C13orf42: variants seen among roughly 807,000 people sequenced by gnomAD.
The protein encoded by C13orf42 is uncharacterized protein C13orf42.
At chr13:51,149,561 G>A (rs1047422908) in intron 1 of C13orf42, among the ~76,000 whole-genome samples, 1 of 152,052 alleles carries the variant, frequency 6.6e-6, no homozygotes, top group East Asian at 1.9e-4. Context: ...ATATCCTTTG[G>A]TCTGGTCATT....
chr13:51,130,970 G>A (rs1018286876), intron 1 of C13orf42, among the ~76,000 whole-genome samples: 9 of 152,064 alleles, frequency 5.9e-5, no homozygotes, highest in Non-Finnish European at 1.3e-4. Flanking sequence ...GTTTGAACAA[G>A]TTGTAGAAGG....
At chr13:51,152,330 A>G (rs1953785105) in intron 1 of C13orf42, among the ~76,000 whole-genome samples, 1 of 152,206 alleles carries the variant, frequency 6.6e-6, no homozygotes, top group African/African-American at 2.4e-5. Flanking sequence ...CTTGGTTACA[A>G]ACATCACCCA....
At chr13:51,096,380 A>G (rs1174252022) in intron 1 of C13orf42, among the ~76,000 whole-genome samples, 1 of 152,144 alleles carries the variant, frequency 6.6e-6, no homozygotes, top group Admixed American at 6.5e-5. Context: ...GGCCTTCTCC[A>G]TGGCCTTGTA....
chr13:51,170,361 A>G (rs903098248), intron 1 of C13orf42, among the ~76,000 whole-genome samples: 5 of 152,148 alleles, frequency 3.3e-5, no homozygotes, highest in African/African-American at 1.2e-4. Flanking sequence ...TGGGAGATCA[A>G]TCCCCTGTCC....
At chr13:51,148,828 C>T (rs980447870) in intron 1 of C13orf42, among the ~76,000 whole-genome samples, 5 of 152,214 alleles carry the variant, frequency 3.3e-5, no homozygotes, top group Admixed American at 1.3e-4. Context: ...CCGTATTGAC[C>T]GTTTGGGCTT....
At position 51,083,001 on chromosome 13, in the gene C13orf42, C is replaced by T. The variant is rs1207072929; in HGVS notation, c.*1150G>A. The T allele has an allele frequency of 6.6e-6, 1 of 152,240 alleles. No individual in the cohort carries two copies. The highest frequency in any genetic ancestry group is 1.5e-5 in the Non-Finnish European group (1 of 68,052). The allele number at this position is 152,240 out of a possible 1,614,324, so 9.4% of individuals were successfully genotyped here. On this transcript the variant is annotated 3_prime_UTR_variant, in exon 4 of 4. Transcript: ENST00000563710. ...AGGAAGCCTCTGTTCAGTTCTTAGC[C>T]TGACCTTAGCCTAGAACATCCTTGG...
At chr13:51,140,397 G>C (rs947271538) in intron 1 of C13orf42, among the ~76,000 whole-genome samples, 2 of 152,112 alleles carry the variant, frequency 1.3e-5, no homozygotes, top group Non-Finnish European at 2.9e-5. Flanking sequence ...CCTCAACCTT[G>C]GCAAAATAAA....
intron 2 of C13orf42, among the ~76,000 whole-genome samples, chr13:51,086,701 A>G (rs1429361434): frequency 3.3e-5 from 5 of 152,190 alleles, no homozygotes; most frequent in African/African-American, 1.2e-4. Context: ...ACTTGGTCAC[A>G]TTCATTTTTA....
chr13:51,118,926 C>T (rs1298218785), intron 1 of C13orf42, among the ~76,000 whole-genome samples: 1 of 152,026 alleles, frequency 6.6e-6, no homozygotes, highest in African/African-American at 2.4e-5. Flanking sequence ...GTACTGTGTG[C>T]CCAAGTGTAT....
chr13:51,100,968 AT>A (rs766511453), intron 1 of C13orf42, among the ~76,000 whole-genome samples: 14 of 152,232 alleles, frequency 9.2e-5, no homozygotes, highest in Non-Finnish European at 1.6e-4. Flanking sequence ...AGAACTCACA[AT>A]ATATAACATT....
chr13:51,082,986 T>C lies in C13orf42; in HGVS notation c.*1165A>G, dbSNP rs996519496. 4 of 152,270 alleles carry C rather than the reference T, an allele frequency of 2.6e-5. No homozygotes were observed. Among genetic ancestry groups the C allele is most frequent in the African/African-American group, 9.6e-5 (4 of 41,476 alleles). The allele number at this position is 152,270 out of a possible 1,614,324, so 9.4% of individuals were successfully genotyped here. A position where few individuals can be genotyped will look rare whatever the true frequency, so the allele number is the denominator to read the frequency against. ...ACAGGCATGGCAGAAAGGAAGCCTCTGTTCAGTTCTTAGCCTGACCTTAGC... is the reference window on the plus strand; with the variant it reads ...ACAGGCATGGCAGAAAGGAAGCCTCCGTTCAGTTCTTAGCCTGACCTTAGC... On this transcript the variant is annotated 3_prime_UTR_variant, in exon 4 of 4. Transcript: ENST00000563710.
chr13:51,104,516 T>C (rs921222431), intron 1 of C13orf42, among the ~76,000 whole-genome samples: 4 of 152,218 alleles, frequency 2.6e-5, no homozygotes, highest in African/African-American at 9.6e-5. Context: ...AAGAATTTGT[T>C]AACTGTAATA....
At chr13:51,122,272 G>A (rs1048901683) in intron 1 of C13orf42, among the ~76,000 whole-genome samples, 4 of 152,004 alleles carry the variant, frequency 2.6e-5, no homozygotes, top group Admixed American at 6.5e-5. Context: ...AGTGGCTCAC[G>A]CCTGTAATCC....
At chr13:51,139,121 AGT>A (rs1953678851) in intron 1 of C13orf42, among the ~76,000 whole-genome samples, 1 of 152,152 alleles carries the variant, frequency 6.6e-6, no homozygotes, top group Non-Finnish European at 1.5e-5. Flanking sequence ...GTTTGAGACT[AGT>A]CTGACCAGCA....
At chr13:51,115,693 CAGA>C (rs1312927389), upstream of C13orf42, among the ~76,000 whole-genome samples, 4 of 152,142 alleles carry the variant, frequency 2.6e-5, no homozygotes, top group South Asian at 2.1e-4. Context: ...AGGAAGAGCA[CAGA>C]AGAAGAAGGG....
rs1953148442 is a variant in C13orf42, at chr13:51,088,070, T to C, written c.420A>G (p.Ala140=). ...TGAACTGCGAGTATTTCTTTGGGGTTGCTTTCTGCAAGAGGTGAAGGGGAG... is the reference window on the plus strand; with the variant it reads ...TGAACTGCGAGTATTTCTTTGGGGTCGCTTTCTGCAAGAGGTGAAGGGGAG... The part of the protein sequence containing the change: ...VRSTPKEIKK[A]TPKKYSQFSA... The change falls in exon 2 of 4, where the codon GCA becomes GCG. Residue 140 remains alanine, a synonymous_variant. Transcript: ENST00000563710. The C allele has an allele frequency of 5.0e-6, 2 of 398,674 alleles. No individual in the cohort carries two copies. The highest frequency in any genetic ancestry group is 3.6e-5 in the East Asian group (1 of 28,094). The allele number at this position is 398,674 out of a possible 1,614,324, so 24.7% of individuals were successfully genotyped here.
At chr13:51,144,025 C>T (rs573853732) in intron 1 of C13orf42, among the ~76,000 whole-genome samples, 9 of 152,126 alleles carry the variant, frequency 5.9e-5, no homozygotes, top group Admixed American at 3.3e-4. Flanking sequence ...ATTTCCTTGT[C>T]AATTGTGTCT....
At chr13:51,104,412 C>T (rs796448919) in intron 1 of C13orf42, among the ~76,000 whole-genome samples, 25 of 152,176 alleles carry the variant, frequency 1.6e-4, no homozygotes, top group East Asian at 7.7e-4. Flanking sequence ...GTACATGGAG[C>T]GTGGTGGCTC....
chr13:51,091,362 G>T (rs549645440), intron 1 of C13orf42, among the ~76,000 whole-genome samples: 1 of 152,274 alleles, frequency 6.6e-6, no homozygotes, highest in East Asian at 1.9e-4. Context: ...TCCTCCACTT[G>T]TCCAATTATC....
Sources: gnomAD v4.1 joint callset for allele counts (sites outside exome capture counted in the v4.1 genomes callset) on GRCh38, gnomAD v4.1.1 for gene constraint, MANE v1.5 for transcripts, NCBI Gene and HGNC (gene_info 2026-07-23, HGNC 2026-07-21) for gene names.